The following GPATCH2L variants were observed in gnomAD, a reference collection of about 807,000 sequenced individuals.
GPATCH2L encodes G patch domain-containing protein 2-like.
GPATCH2L carries 31 observed loss-of-function variants against 57.4 expected under a neutral mutation model. The observed-to-expected ratio is 0.54, with a 90% CI of 0.41 to 0.73. GPATCH2L has a LOEUF of 0.73. Among genes scored for constraint, GPATCH2L ranks in the 30% least tolerant of loss-of-function variants. GPATCH2L has a pLI of 0.00. For synonymous variants in GPATCH2L, 199 were observed against 210.7 expected (o/e 0.94, Z 0.48); for missense variants, 481 against 599.9 (o/e 0.80, Z 2.07).
intron 1 of GPATCH2L, among the ~76,000 whole-genome samples, chr14:76,227,646 A>G (rs1426956331): frequency 6.6e-6 from 1 of 152,198 alleles, no homozygotes; most frequent in African/African-American, 2.4e-5. Context: ...TTCGTTTAAG[A>G]TATTAAACAG....
At chr14:76,217,592 T>C (rs1322002708), downstream of GPATCH2L, among the ~76,000 whole-genome samples, 3 of 130,686 alleles carry the variant, frequency 2.3e-5, no homozygotes, top group Admixed American at 2.3e-4. Context: ...TATATTTGAC[T>C]GTTGAAAAAA....
At chr14:76,168,114 G>A (rs1003017416) in intron 3 of GPATCH2L, among the ~76,000 whole-genome samples, 2 of 152,196 alleles carry the variant, frequency 1.3e-5, no homozygotes, top group Admixed American at 6.5e-5. Flanking sequence ...GATGCTTAGC[G>A]TTCTCAACGT....
intron 1 of GPATCH2L, among the ~76,000 whole-genome samples, chr14:76,225,921 A>G (rs2040534761): frequency 1.3e-5 from 2 of 152,244 alleles, no homozygotes; most frequent in South Asian, 2.1e-4. Flanking sequence ...ATATTACTAC[A>G]TACTCAACAG....
chr14:76,218,142 T>C (rs946860082), downstream of GPATCH2L, among the ~76,000 whole-genome samples: 3 of 152,186 alleles, frequency 2.0e-5, no homozygotes, highest in South Asian at 6.2e-4. Context: ...AGCAATTTCA[T>C]TGAAGTCAGG....
Position 76,202,042 on chromosome 14 carries a change from A to G in GPATCH2L, c.*191A>G, listed in dbSNP as rs1468796332. 1 of 470,732 alleles carries G rather than the reference A, an allele frequency of 2.1e-6. No homozygotes were observed. Among genetic ancestry groups the G allele is most frequent in the Non-Finnish European group, 3.7e-6 (1 of 271,294 alleles). The allele number at this position is 470,732 out of a possible 1,614,324, so 29.2% of individuals were successfully genotyped here. A position where few individuals can be genotyped will look rare whatever the true frequency, so the allele number is the denominator to read the frequency against. On this transcript the variant is annotated 3_prime_UTR_variant, in exon 10 of 10. Coordinates refer to ENST00000261530, the MANE Select transcript of GPATCH2L (RefSeq NM_017926.4). The stretch of plus-strand genomic sequence containing the variant: ...TGTTGTGGGAATCTTTTTTTTAAAT[A>G]GTGAAATATTGAGGCAGCAATTTTT...
At chr14:76,152,596 C>T (rs774045667) in intron 1 of GPATCH2L, 8 of 450,854 alleles carry the variant, frequency 1.8e-5, no homozygotes, top group Non-Finnish European at 3.1e-5. Flanking sequence ...TGCCTGGCCG[C>T]CGGGTCCTCT....
At position 76,209,095 on chromosome 14, in the gene GPATCH2L, A is replaced by T. The variant is rs1254310736; in HGVS notation, c.*7244A>T. On this transcript the variant is annotated 3_prime_UTR_variant, in exon 10 of 10. Transcript: ENST00000261530. ...AAATTTAGCCCATAGGTTGATTTTT[A>T]TGACACTGATGCTATATAACCACTT... 1 of 152,224 alleles carries T rather than the reference A, an allele frequency of 6.6e-6. No homozygotes were observed. Among genetic ancestry groups the T allele is most frequent in the Non-Finnish European group, 1.5e-5 (1 of 68,050 alleles). 9.4% of individuals were successfully genotyped at this position (152,224 alleles called of 1,614,324 possible).
rs1595010607 is a variant in GPATCH2L, at chr14:76,214,217, A to G, written c.*12366A>G. The G allele has an allele frequency of 6.6e-6, 1 of 152,198 alleles. No individual in the cohort carries two copies. The highest frequency in any genetic ancestry group is 2.4e-5 in the African/African-American group (1 of 41,452). The allele number at this position is 152,198 out of a possible 1,614,324, so 9.4% of individuals were successfully genotyped here. On this transcript the variant is annotated 3_prime_UTR_variant, in exon 10 of 10. Coordinates refer to ENST00000261530, the MANE Select transcript of GPATCH2L (RefSeq NM_017926.4). ...ATGTGGTGTCATCCTATCCAAGAATAGGAGATGTATTTCCATTTATTCAAG... is the reference window on the plus strand; with the variant it reads ...ATGTGGTGTCATCCTATCCAAGAATGGGAGATGTATTTCCATTTATTCAAG...
chr14:76,180,926 T>G (rs2039537588), intron 8 of GPATCH2L, 77 bp downstream of exon 8: 17 of 875,042 alleles, frequency 1.9e-5, no homozygotes, highest in Non-Finnish European at 3.3e-5. Flanking sequence ...AATTATAGAG[T>G]ATGCTTGTGT....
At chr14:76,186,677 G>C (rs1050972715) in intron 8 of GPATCH2L, among the ~76,000 whole-genome samples, 5 of 152,114 alleles carry the variant, frequency 3.3e-5, no homozygotes, top group African/African-American at 7.2e-5. Flanking sequence ...TGAATCTTTT[G>C]TCCTCTATTG....
rs1423956007 is a variant in GPATCH2L, at chr14:76,212,854, A to G, written c.*11003A>G. ...CAGAAAAAAAAATGCAATAAATTAAAGCCAGAAAACACTGCTCATCTGCAA... is the reference window on the plus strand; with the variant it reads ...CAGAAAAAAAAATGCAATAAATTAAGGCCAGAAAACACTGCTCATCTGCAA... On this transcript the variant is annotated 3_prime_UTR_variant, in exon 10 of 10. Transcript: ENST00000261530. The G allele has an allele frequency of 3.3e-5, 5 of 152,174 alleles. No individual in the cohort carries two copies. Among genetic ancestry groups the G allele is most frequent in the African/African-American group, 1.2e-4 (5 of 41,454 alleles). 9.4% of individuals were successfully genotyped at this position (152,174 alleles called of 1,614,324 possible).
chr14:76,157,273 A>G (rs1686908311), intron 2 of GPATCH2L, among the ~76,000 whole-genome samples: 1 of 152,036 alleles, frequency 6.6e-6, no homozygotes, highest in African/African-American at 2.4e-5. Flanking sequence ...GGTGATTCTT[A>G]CTCTTTGACT....
intron 1 of GPATCH2L, among the ~76,000 whole-genome samples, chr14:76,220,756 A>G (rs1263265918): frequency 1.3e-5 from 2 of 152,194 alleles, no homozygotes; most frequent in Non-Finnish European, 1.5e-5. Context: ...ACCAAAGTGA[A>G]ATTACTCTAA....
intron 4 of GPATCH2L, among the ~76,000 whole-genome samples, chr14:76,173,334 G>A (rs867426545): frequency 2.6e-5 from 4 of 152,068 alleles, no homozygotes; most frequent in Non-Finnish European, 5.9e-5. Context: ...ATAGATGGAG[G>A]ATGCCTAGGT....
chr14:76,154,536 C>T lies in GPATCH2L; in HGVS notation c.173C>T (p.Thr58Ile). The T allele has an allele frequency of 6.2e-7, 1 of 1,614,210 alleles. No individual in the cohort carries two copies. The highest frequency in any genetic ancestry group is 1.1e-5 in the South Asian group (1 of 91,086). Residue 58 changes from threonine (T) to isoleucine (I), a missense_variant, in exon 2 of 10, where the codon ACC (threonine) becomes ATC (isoleucine). By Grantham distance (89) the Thr-to-Ile change is moderately conservative. Coordinates refer to ENST00000261530, the MANE Select transcript of GPATCH2L (RefSeq NM_017926.4). The surrounding 1 kb of genome is among the most constrained non-coding windows in gnomAD (Gnocchi z 4.4). ...GACTTCACTCACCTGGCAGAGCATA[C>T]CTGCTGCTACAGCGAGGCCTCTGAG... Reference protein sequence around the residue: ...RSDFTHLAEHTCCYSEASESS... With the variant: ...RSDFTHLAEHICCYSEASESS...
downstream of GPATCH2L, among the ~76,000 whole-genome samples, chr14:76,215,222 T>G (rs954542478): frequency 1.3e-5 from 2 of 151,896 alleles, no homozygotes; most frequent in South Asian, 4.2e-4. Context: ...TGAGATACCA[T>G]CTCACACCAG....
intron 8 of GPATCH2L, among the ~76,000 whole-genome samples, chr14:76,184,318 G>A (rs1389989409): frequency 6.6e-6 from 1 of 152,054 alleles, no homozygotes; most frequent in African/African-American, 2.4e-5. Context: ...TCCTTTAAGA[G>A]CACAAAGAGT....
In GPATCH2L at chr14:76,205,454, A is replaced by G. The variant is rs1055795113; in HGVS notation, c.*3603A>G. On this transcript the variant is annotated 3_prime_UTR_variant, in exon 10 of 10. Coordinates refer to ENST00000261530, the MANE Select transcript of GPATCH2L (RefSeq NM_017926.4). ...GAATTGAAGAGGACATTGCTGGGCT[A>G]TGAAATAGGGTACTAACAAGGCTAT... 1 of 152,230 alleles carries G rather than the reference A, an allele frequency of 6.6e-6. No homozygotes were observed. Among genetic ancestry groups the G allele is most frequent in the Non-Finnish European group, 1.5e-5 (1 of 68,040 alleles). 9.4% of individuals were successfully genotyped at this position (152,230 alleles called of 1,614,324 possible).
chr14:76,222,778 G>A (rs1053672558), intron 1 of GPATCH2L, among the ~76,000 whole-genome samples: 3 of 151,814 alleles, frequency 2.0e-5, no homozygotes, highest in Non-Finnish European at 4.4e-5. Flanking sequence ...CCAACATGGT[G>A]AGACCCCATC....
Sources: allele counts gnomAD v4.1 joint callset (sites outside exome capture counted in the v4.1 genomes callset), GRCh38; gene constraint gnomAD v4.1.1; non-coding constraint Gnocchi (gnomAD v3.1); transcripts MANE v1.5; gene names NCBI Gene and HGNC (gene_info 2026-07-23, HGNC 2026-07-21).